The following SPARCL1 variants were observed in gnomAD, a reference collection of about 807,000 sequenced individuals.
The protein encoded by SPARCL1 is SPARC like 1.
Under a neutral mutation model 67.1 loss-of-function variants are expected in SPARCL1, and 52 were observed. That is an observed-to-expected ratio of 0.78 (90% CI 0.62 to 0.98). SPARCL1 has a LOEUF of 0.98. Ranked by LOEUF, SPARCL1 falls within the 50% of genes least tolerant of loss-of-function variation. The probability of loss-of-function intolerance (pLI) is 0.00; values close to 1 mark genes in which losing one functional copy is unlikely to be tolerated. For synonymous variants in SPARCL1, 226 were observed against 267.8 expected (o/e 0.84, Z 1.52); for missense variants, 717 against 782.4 (o/e 0.92, Z 1.00).
intron 1 of SPARCL1, among the ~76,000 whole-genome samples, chr4:87,520,797 C>T (rs1406822065): frequency 4.6e-5 from 7 of 152,172 alleles, no homozygotes; most frequent in Non-Finnish European, 8.8e-5. Context: ...ACAGCCCAGC[C>T]AAGCCATCAG....
intron 1 of SPARCL1, among the ~76,000 whole-genome samples, chr4:87,519,506 A>T (rs1434306310): frequency 6.6e-6 from 1 of 152,230 alleles, no homozygotes; most frequent in Non-Finnish European, 1.5e-5. Flanking sequence ...TAGCACTTTT[A>T]TTTGAACCTA....
intron 1 of SPARCL1, among the ~76,000 whole-genome samples, chr4:87,511,847 T>C (rs531750468): frequency 6.6e-5 from 10 of 152,168 alleles, no homozygotes; most frequent in African/African-American, 1.9e-4. Context: ...CTAAAAATGA[T>C]TGGCTGTGCA....
intron 1 of SPARCL1, among the ~76,000 whole-genome samples, chr4:87,511,429 A>C (rs182972825): frequency 2.0e-5 from 3 of 152,226 alleles, no homozygotes; most frequent in Admixed American, 1.3e-4. Flanking sequence ...TTGAGTAGAG[A>C]TATCTAGTAG....
At chr4:87,490,209 G>A in intron 7 of SPARCL1, 64 bp downstream of exon 7, 3 of 1,493,838 alleles carry the variant, frequency 2.0e-6, no homozygotes, top group Non-Finnish European at 2.7e-6. Flanking sequence ...GATAATTCAG[G>A]CATGTCCAGA....
chr4:87,501,370 G>A (rs1578106384), intron 1 of SPARCL1, among the ~76,000 whole-genome samples: 1 of 152,050 alleles, frequency 6.6e-6, no homozygotes, highest in Non-Finnish European at 1.5e-5. Flanking sequence ...TTTTGATGAA[G>A]CACATACTCC....
intron 3 of SPARCL1, 63 bp downstream of exon 3, chr4:87,494,915 ATGC>A: frequency 7.2e-7 from 1 of 1,390,708 alleles, no homozygotes; most frequent in Non-Finnish European, 9.9e-7. Context: ...CTCTTTTACC[ATGC>A]TTTGAAACTA....
Position 87,474,324 on chromosome 4 carries a change from C to G in SPARCL1, c.1967-521G>C, listed in dbSNP as rs113812218. Among the ~76,000 whole-genome samples, 298 of 152,266 alleles carry G rather than the reference C, an allele frequency of 2.0e-3. 1 individual carries two copies. The highest frequency in any genetic ancestry group is 6.7e-3 in the African/African-American group (280 of 41,548). On this transcript the variant is annotated intron_variant, in intron 10 of 10. Transcript: ENST00000282470. ...CACCCTAACAAACTATTATACTACTCTGTGTGGGCACTAGGTAATTTTCCT... is the reference window on the plus strand; with the variant it reads ...CACCCTAACAAACTATTATACTACTGTGTGTGGGCACTAGGTAATTTTCCT...
chr4:87,479,166 A>T (rs999723411), intron 10 of SPARCL1, among the ~76,000 whole-genome samples: 1 of 151,918 alleles, frequency 6.6e-6, no homozygotes, highest in African/African-American at 2.4e-5. Context: ...CTGGATTCAC[A>T]CGTCTTTCTA....
Position 87,494,275 on chromosome 4 carries a change from C to G in SPARCL1, c.525G>C (p.Leu175Phe). The G allele has an allele frequency of 6.2e-7, 1 of 1,614,008 alleles. No individual in the cohort carries two copies. The highest frequency in any genetic ancestry group is 8.5e-7 in the Non-Finnish European group (1 of 1,180,004). ...EQPRNYSHHQ[L>F]NRSSKHSQGL... The stretch of plus-strand genomic sequence containing the variant: ...CTTGGCTATGTTTACTGCTCCTGTT[C>G]AACTGATGATGTGAATAATTTCTAG... Residue 175 changes from leucine to phenylalanine, a missense_variant, in exon 4 of 11, where the codon TTG becomes TTC. Transcript: ENST00000282470.
chr4:87,506,308 TG>T (rs1725069654), intron 1 of SPARCL1, among the ~76,000 whole-genome samples: 1 of 152,240 alleles, frequency 6.6e-6, no homozygotes, highest in African/African-American at 2.4e-5. Context: ...ACATCTGTGA[TG>T]GTTAATTTTA....
intron 10 of SPARCL1, among the ~76,000 whole-genome samples, chr4:87,475,023 T>A (rs899259524): frequency 6.6e-6 from 1 of 152,016 alleles, no homozygotes; most frequent in Admixed American, 6.6e-5. Context: ...ATTACAGGCG[T>A]GAGCCACCGC....
rs1210541673 is a variant in SPARCL1, at chr4:87,493,951, G to A, written c.849C>T (p.Asn283=). 3.7e-6 allele frequency: 6 copies of A among 1,614,026 alleles called. No individual in the cohort carries two copies. Among genetic ancestry groups the A allele is most frequent in the East Asian group, 2.2e-5 (1 of 44,888 alleles). Reference sequence around the variant, plus strand: ...CAGTTTCTTGAATGTGCTTATTGACGTTCGATGCATTTTCCTCTTCCATTT... The same window carrying A: ...CAGTTTCTTGAATGTGCTTATTGACATTCGATGCATTTTCCTCTTCCATTT... The part of the protein sequence containing the change: ...NAEMEEENAS[N]VNKHIQETEW... Residue 283 remains asparagine, a synonymous_variant, in exon 4 of 11, where the codon AAC becomes AAT. Transcript: ENST00000282470.
intron 7 of SPARCL1, among the ~76,000 whole-genome samples, chr4:87,490,024 A>G (rs1279233062): frequency 6.6e-6 from 1 of 152,250 alleles, no homozygotes; most frequent in Non-Finnish European, 1.5e-5. Context: ...GCTGCACATT[A>G]GAATTGTCTA....
chr4:87,504,602 T>C (rs1011398390), intron 1 of SPARCL1, among the ~76,000 whole-genome samples: 22 of 152,124 alleles, frequency 1.4e-4, no homozygotes, highest in African/African-American at 5.1e-4. Flanking sequence ...GGAGCTGGGA[T>C]TGAAGCTAGA....
chr4:87,519,027 C>A (rs1725696459), intron 1 of SPARCL1, among the ~76,000 whole-genome samples: 1 of 151,740 alleles, frequency 6.6e-6, no homozygotes, highest in South Asian at 2.1e-4. Flanking sequence ...AAGGTCAATT[C>A]TTCTGATTTT....
intron 2 of SPARCL1, among the ~76,000 whole-genome samples, chr4:87,498,081 T>G (rs1405262515): frequency 6.6e-6 from 1 of 152,198 alleles, no homozygotes; most frequent in African/African-American, 2.4e-5. Context: ...TTAATGTTTA[T>G]TTACATAACA....
chr4:87,519,601 G>T (rs1725722808), intron 1 of SPARCL1, among the ~76,000 whole-genome samples: 1 of 152,060 alleles, frequency 6.6e-6, no homozygotes, highest in South Asian at 2.1e-4. Flanking sequence ...CCTATTAGTT[G>T]ACTGCATGAT....
chr4:87,483,143 T>G (rs1379674590), intron 7 of SPARCL1, among the ~76,000 whole-genome samples: 1 of 151,926 alleles, frequency 6.6e-6, no homozygotes, highest in African/African-American at 2.4e-5. Context: ...ATGTGCAGGT[T>G]TGTTACATAG....
chr4:87,481,644 C>T (rs1723826550), intron 8 of SPARCL1, among the ~76,000 whole-genome samples: 1 of 152,184 alleles, frequency 6.6e-6, no homozygotes, highest in South Asian at 2.1e-4. Flanking sequence ...AGTTAATGCA[C>T]ACCCTCCTTC....
Sources: gnomAD v4.1 joint callset for allele counts (sites outside exome capture counted in the v4.1 genomes callset) on GRCh38, gnomAD v4.1.1 for gene constraint, MANE v1.5 for transcripts, NCBI Gene and HGNC (gene_info 2026-07-23, HGNC 2026-07-21) for gene names.